SPRR2G: variants seen among roughly 807,000 people sequenced by gnomAD.
SPRR2G encodes small proline-rich protein 2G.
In SPRR2G, 1 loss-of-function variant was observed where a neutral mutation model predicts 0.7. The ratio of observed to expected loss-of-function variants is 1.49; its 90% CI spans 0.53 to 7.06. The LOEUF is 7.06. SPRR2G is among the 30% of genes most tolerant of loss of function. The pLI is 0.14. For synonymous variants in SPRR2G, 38 were observed against 33.9 expected (o/e 1.12, Z -0.42); for missense variants, 96 against 88.5 (o/e 1.09, Z -0.34).
At chr1:153,158,246 C>G in the SPRR2G span, among the ~76,000 whole-genome samples, 3 of 152,138 alleles carry the variant, frequency 2.0e-5, no homozygotes, top group Admixed American at 6.6e-5. Flanking sequence ...CCCGTAAAAT[C>G]AAAAACAAGT....
the SPRR2G span, among the ~76,000 whole-genome samples, chr1:153,200,855 A>G: frequency 6.6e-6 from 1 of 151,990 alleles, no homozygotes; most frequent in Non-Finnish European, 1.5e-5. Flanking sequence ...ATGCGCCACC[A>G]CGCCCAGCTA....
upstream of SPRR2G, among the ~76,000 whole-genome samples, chr1:153,155,500 G>T (rs972455458): frequency 1.3e-5 from 2 of 152,062 alleles, no homozygotes; most frequent in Non-Finnish European, 2.9e-5. Flanking sequence ...TCTCTTGCTC[G>T]ATTATTACCA....
the SPRR2G span, among the ~76,000 whole-genome samples, chr1:153,186,489 G>T: frequency 6.6e-6 from 1 of 151,932 alleles, no homozygotes; most frequent in African/African-American, 2.4e-5. Flanking sequence ...TGTATTTTTT[G>T]ACCTTTGTTG....
chr1:153,168,096 A>G, the SPRR2G span, among the ~76,000 whole-genome samples: 1 of 152,198 alleles, frequency 6.6e-6, no homozygotes, highest in Non-Finnish European at 1.5e-5. Context: ...CTCAAAAATA[A>G]TATCACTAGG....
chr1:153,190,169 C>T, the SPRR2G span: 1 of 152,494 alleles, frequency 6.6e-6, no homozygotes, highest in Admixed American at 6.5e-5. Context: ...TCCCACAGCC[C>T]TGTCCTCCCC....
chr1:153,166,837 G>T, the SPRR2G span, among the ~76,000 whole-genome samples: 1 of 152,168 alleles, frequency 6.6e-6, no homozygotes, highest in East Asian at 1.9e-4. Context: ...ATCTTGATGT[G>T]CTTGGCACTT....
the SPRR2G span, among the ~76,000 whole-genome samples, chr1:153,183,490 T>C: frequency 6.6e-6 from 1 of 152,162 alleles, no homozygotes; most frequent in Non-Finnish European, 1.5e-5. Context: ...CTTTTTTTCA[T>C]GTGTTTGTTG....
chr1:153,165,715 A>C, the SPRR2G span, among the ~76,000 whole-genome samples: 1 of 152,230 alleles, frequency 6.6e-6, no homozygotes, highest in African/African-American at 2.4e-5. Context: ...AAGACAAAAT[A>C]ATATATAATA....
At chr1:153,181,635 T>C in the SPRR2G span, among the ~76,000 whole-genome samples, 1 of 151,996 alleles carries the variant, frequency 6.6e-6, no homozygotes, top group Admixed American at 6.6e-5. Context: ...GAAATCACCA[T>C]TTTTAGCTCC....
At chr1:153,195,487 C>T in the SPRR2G span, among the ~76,000 whole-genome samples, 2 of 152,180 alleles carry the variant, frequency 1.3e-5, no homozygotes, top group African/African-American at 4.8e-5. Flanking sequence ...TCCACCACCA[C>T]TACTGCCACT....
At chr1:153,188,718 G>A in the SPRR2G span, among the ~76,000 whole-genome samples, 2 of 152,036 alleles carry the variant, frequency 1.3e-5, no homozygotes, top group Non-Finnish European at 2.9e-5. Flanking sequence ...CACCACTGGT[G>A]TATGAAAAAA....
At chr1:153,194,391 G>T in the SPRR2G span, among the ~76,000 whole-genome samples, 2 of 152,142 alleles carry the variant, frequency 1.3e-5, no homozygotes, top group Non-Finnish European at 1.5e-5. Context: ...AGATTAGTTG[G>T]CACTTCATTA....
At chr1:153,179,616 T>A in the SPRR2G span, among the ~76,000 whole-genome samples, 1 of 152,168 alleles carries the variant, frequency 6.6e-6, no homozygotes, top group Non-Finnish European at 1.5e-5. Context: ...TAATAATTTT[T>A]AAGACCTAGG....
the SPRR2G span, among the ~76,000 whole-genome samples, chr1:153,167,335 G>A: frequency 2.6e-4 from 39 of 152,128 alleles, no homozygotes; most frequent in African/African-American, 7.7e-4. Context: ...TTAGCCAGGC[G>A]TGGTGGCTCA....
the SPRR2G span, among the ~76,000 whole-genome samples, chr1:153,200,261 G>A: frequency 6.6e-6 from 1 of 152,058 alleles, no homozygotes; most frequent in African/African-American, 2.4e-5. Context: ...CTGGAAGGCA[G>A]GGGAAAAAAA....
the SPRR2G span, among the ~76,000 whole-genome samples, chr1:153,171,900 C>T: frequency 6.6e-6 from 1 of 152,176 alleles, no homozygotes; most frequent in Admixed American, 6.5e-5. Flanking sequence ...CTTCTGCCCT[C>T]CCCTCCCATG....
At chr1:153,202,513 C>T in the SPRR2G span, among the ~76,000 whole-genome samples, 9 of 152,172 alleles carry the variant, frequency 5.9e-5, no homozygotes. Context: ...AGCCCTTTTG[C>T]TCTGGAGTCA....
chr1:153,165,434 T>C, the SPRR2G span, among the ~76,000 whole-genome samples: 1 of 152,270 alleles, frequency 6.6e-6, no homozygotes, highest in East Asian at 1.9e-4. Flanking sequence ...ACTTCCCAGG[T>C]TCCAGAACTT....
chr1:153,150,069 T>C lies in SPRR2G; in HGVS notation c.42A>G (p.Pro14=). The change falls in exon 2 of 2, where the codon CCA becomes CCG. Residue 14 remains proline, a synonymous_variant. Coordinates refer to ENST00000368748, the MANE Select transcript of SPRR2G (RefSeq NM_001014291.4). Reference sequence around the variant, plus strand: ...ACTTTGGCGTGGGGCACACAGGAGGTGGCTGGCAGGGCTGCTTGCACTGCT... The same window carrying C: ...ACTTTGGCGTGGGGCACACAGGAGGCGGCTGGCAGGGCTGCTTGCACTGCT... ...QQQQCKQPCQ[P]PPVCPTPKCP... The C allele has an allele frequency of 3.7e-6, 6 of 1,612,886 alleles. No individual in the cohort carries two copies. The highest frequency in any genetic ancestry group is 5.1e-6 in the Non-Finnish European group (6 of 1,179,836).
Sources: gnomAD v4.1 joint callset for allele counts (sites outside exome capture counted in the v4.1 genomes callset) on GRCh38, gnomAD v4.1.1 for gene constraint, MANE v1.5 for transcripts, NCBI Gene and HGNC (gene_info 2026-07-23, HGNC 2026-07-21) for gene names.